The following HSPA12A variants were observed in gnomAD, a reference collection of about 807,000 sequenced individuals.
HSPA12A encodes the protein heat shock protein family A (Hsp70) member 12A.
HSPA12A carries 28 observed loss-of-function variants against 69.2 expected under a neutral mutation model. That is an observed-to-expected ratio of 0.40 (90% confidence interval 0.30 to 0.55). The LOEUF is 0.55. Ranked by LOEUF, HSPA12A falls within the 20% of genes least tolerant of loss-of-function variation. HSPA12A has a pLI of 0.38. For missense variants in HSPA12A, 686 were observed against 900.7 expected (o/e 0.76, Z 3.05); for synonymous variants, 345 against 370.5 (o/e 0.93, Z 0.79).
chr10:116,842,618 G>C (rs151139351), intron 1 of HSPA12A, among the ~76,000 whole-genome samples: 85 of 150,832 alleles, frequency 5.6e-4, no homozygotes, highest in African/African-American at 2.0e-3. Context: ...GTTTGTTTTT[G>C]TTTTTGTTTT....
intron 2 of HSPA12A, among the ~76,000 whole-genome samples, chr10:116,758,967 T>G (rs1472474589): frequency 6.6e-6 from 1 of 152,184 alleles, no homozygotes; most frequent in Non-Finnish European, 1.5e-5. Context: ...AAGGTGATGT[T>G]GATGCAGAAA....
chr10:116,820,000 T>G (rs1845381315), intron 2 of HSPA12A, among the ~76,000 whole-genome samples: 1 of 152,078 alleles, frequency 6.6e-6, no homozygotes. Flanking sequence ...TTTTTGTATT[T>G]TTTTGTAAAG....
intron 2 of HSPA12A, among the ~76,000 whole-genome samples, chr10:116,765,453 C>T (rs909315543): frequency 4.6e-5 from 7 of 152,068 alleles, no homozygotes; most frequent in East Asian, 1.9e-4. Context: ...TGGCCAAATC[C>T]GGGACCATAG....
At chr10:116,816,237 T>C (rs2133190791) in intron 2 of HSPA12A, among the ~76,000 whole-genome samples, 1 of 152,360 alleles carries the variant, frequency 6.6e-6, no homozygotes, top group Admixed American at 6.5e-5. Flanking sequence ...AAGCCATTCT[T>C]TCTGCCACAT....
intron 2 of HSPA12A, among the ~76,000 whole-genome samples, chr10:116,826,005 A>C (rs934062033): frequency 1.3e-5 from 2 of 152,212 alleles, no homozygotes. Context: ...GAAGCCACCT[A>C]CAGATGTGTG....
intron 5 of HSPA12A, among the ~76,000 whole-genome samples, chr10:116,694,416 G>C (rs1278388808): frequency 2.6e-5 from 4 of 152,136 alleles, no homozygotes; most frequent in Non-Finnish European, 5.9e-5. Context: ...CATATTCCCT[G>C]CTGGGAGGAG....
intron 1 of HSPA12A, among the ~76,000 whole-genome samples, chr10:116,719,004 G>A (rs1850693528): frequency 6.6e-6 from 1 of 152,100 alleles, no homozygotes; most frequent in African/African-American, 2.4e-5. Context: ...GTGCCGAAGT[G>A]CAGTGGCCAT....
intron 2 of HSPA12A, among the ~76,000 whole-genome samples, chr10:116,818,802 G>A (rs1234643316): frequency 2.0e-5 from 3 of 152,166 alleles, no homozygotes; most frequent in South Asian, 2.1e-4. Flanking sequence ...ATCAGTGAGT[G>A]TAAAAATCAA....
At chr10:116,840,356 G>C (rs978421579) in intron 1 of HSPA12A, among the ~76,000 whole-genome samples, 1 of 152,034 alleles carries the variant, frequency 6.6e-6, no homozygotes, top group African/African-American at 2.4e-5. Flanking sequence ...TCATTCTAAA[G>C]CTTACACATT....
intron 3 of HSPA12A, 94 bp from the exon 4 acceptor site, chr10:116,701,223 A>G (rs1430564700): frequency 2.4e-6 from 3 of 1,231,888 alleles, no homozygotes; most frequent in Non-Finnish European, 3.5e-6. Context: ...CATGAGTGTC[A>G]GTAATGTGGG....
rs1312703556 is a variant in HSPA12A at position 116,728,629 on chromosome 10, G to A, written c.40+13801C>T. Among the ~76,000 whole-genome samples, 3 of 152,276 alleles carry A rather than the reference G, an allele frequency of 2.0e-5. No individual in the cohort carries two copies. The East Asian group carries it at 5.8e-4, about 29-fold the overall frequency. On this transcript the variant is annotated intron_variant, in intron 1 of 11. Transcript: ENST00000369209. The stretch of plus-strand genomic sequence containing the variant: ...TCGCATTCTTTCCAACTGAGCCAGA[G>A]GTGACCTCAGAATCCTTCTTAACAC...
chr10:116,683,524 G>C (rs1312334290), intron 7 of HSPA12A: 1 of 336,176 alleles, frequency 3.0e-6, no homozygotes, highest in African/African-American at 2.1e-5. Flanking sequence ...ACCGCTCTCA[G>C]GCTACCCTCA....
At chr10:116,780,057 C>A (rs778896663) in intron 2 of HSPA12A, among the ~76,000 whole-genome samples, 20 of 152,184 alleles carry the variant, frequency 1.3e-4, no homozygotes, top group Non-Finnish European at 2.6e-4. Flanking sequence ...GGCACTGCGT[C>A]CTTCTCACGC....
intron 1 of HSPA12A, chr10:116,835,028 G>A: frequency 1.6e-6 from 2 of 1,229,652 alleles, no homozygotes; most frequent in Non-Finnish European, 2.0e-6. Flanking sequence ...TCCATCTGTA[G>A]GAGGGGGGAA....
chr10:116,749,179 TCTC>T, intron 2 of HSPA12A, among the ~76,000 whole-genome samples: 1 of 152,234 alleles, frequency 6.6e-6, no homozygotes, highest in Admixed American at 6.5e-5. Context: ...ACTTTCCCCT[TCTC>T]CAGCCCATAG....
At chr10:116,828,283 G>A (rs1845548132) in intron 2 of HSPA12A, among the ~76,000 whole-genome samples, 1 of 152,146 alleles carries the variant, frequency 6.6e-6, no homozygotes, top group Non-Finnish European at 1.5e-5. Flanking sequence ...GCAGTTCCAG[G>A]TGAAAAACAG....
rs527841219 is a variant in HSPA12A at position 116,765,470 on chromosome 10, GA to G, written c.92-58186del. 1.6e-4 allele frequency among the ~76,000 whole-genome samples: 25 copies of G among 152,074 alleles called. No homozygotes were observed. In the South Asian group the frequency reaches 5.0e-3, roughly 30 times the overall value. On this transcript the variant is annotated intron_variant, in intron 2 of 12. Coordinates refer to the HSPA12A transcript ENST00000635765. ...GCCAAATCCGGGACCATAGGAGGGG[GA>G]AAAAGGAATAATGGTAGTAATTTAT...
intron 5 of HSPA12A, among the ~76,000 whole-genome samples, chr10:116,696,360 TG>T (rs552296828): frequency 1.3e-4 from 20 of 152,280 alleles, no homozygotes; most frequent in African/African-American, 4.6e-4. Context: ...AACTGAATCA[TG>T]GGGGCAGTTT....
intron 2 of HSPA12A, among the ~76,000 whole-genome samples, chr10:116,826,623 C>A (rs1179850505): frequency 1.3e-5 from 2 of 152,174 alleles, no homozygotes; most frequent in Non-Finnish European, 2.9e-5. Context: ...AGTTCACATA[C>A]ACTGGAAAAT....
Sources: allele counts gnomAD v4.1 joint callset (sites outside exome capture counted in the v4.1 genomes callset), GRCh38; gene constraint gnomAD v4.1.1; transcripts MANE v1.5; gene names NCBI Gene and HGNC (gene_info 2026-07-23, HGNC 2026-07-21).